Variants in SLC40A1 observed in about 807,000 individuals in gnomAD.
SLC40A1 encodes the protein solute carrier family 40 member 1.
A neutral mutation model predicts 53.5 loss-of-function variants in SLC40A1; 16 were observed. The observed-to-expected ratio is 0.30, with a 90% confidence interval of 0.20 to 0.45. The LOEUF is 0.45. SLC40A1 is among the 20% of genes least tolerant of loss of function. The pLI, the probability that SLC40A1 is intolerant of heterozygous loss-of-function variation, is 1.00. For missense variants in SLC40A1, 545 were observed against 695.4 expected, an observed-to-expected ratio of 0.78 and a Z score of 2.43; for synonymous variants, 247 against 253.2, an observed-to-expected ratio of 0.98 and a Z score of 0.23.
intron 2 of SLC40A1, chr2:189,578,078 A>G (rs2031346058): frequency 2.0e-6 from 1 of 508,796 alleles, no homozygotes; most frequent in Non-Finnish European, 2.5e-6. Flanking sequence ...ATAAGAAATC[A>G]TGACTTGGCA....
rs749715737 is a variant in SLC40A1 at position 189,565,637 on chromosome 2, A to G, written c.515-38T>C. The G allele has an allele frequency of 1.9e-6, 3 of 1,613,846 alleles. No individual in the cohort carries two copies. The South Asian group carries it at 3.3e-5, about 18-fold the overall frequency. On this transcript the variant is annotated intron_variant, in intron 5 of 7. Coordinates refer to ENST00000261024, the MANE Select transcript of SLC40A1 (RefSeq NM_014585.6). ...GTGAAAGAGGCAGGTAAGTGTGCAA[A>G]CCCATCAAAGAGAGACTGCCCATTT... is the stretch of plus-strand genomic sequence containing the variant.
intron 5 of SLC40A1, among the ~76,000 whole-genome samples, chr2:189,571,302 T>C (rs1053865386): frequency 2.0e-5 from 3 of 152,288 alleles, no homozygotes; most frequent in Non-Finnish European, 2.9e-5. Flanking sequence ...CCTACAATTG[T>C]TTCCATTTGA....
chr2:189,572,590 C>A, intron 4 of SLC40A1: 3 of 546,230 alleles, frequency 5.5e-6, no homozygotes, highest in South Asian at 4.3e-5. Flanking sequence ...AAACAAACAA[C>A]TGAATTCTAT....
chr2:189,566,284 T>C (rs1450075704), intron 5 of SLC40A1, among the ~76,000 whole-genome samples: 1 of 152,170 alleles, frequency 6.6e-6, no homozygotes, highest in Admixed American at 6.5e-5. Context: ...ATAAGGGCAA[T>C]GCCTGAATAA....
intron 2 of SLC40A1, among the ~76,000 whole-genome samples, chr2:189,577,997 T>G (rs963165593): frequency 6.6e-6 from 1 of 152,074 alleles, no homozygotes; most frequent in Admixed American, 6.6e-5. Context: ...AAGTCAGAAA[T>G]AAAAGGCATT....
intron 3 of SLC40A1, among the ~76,000 whole-genome samples, chr2:189,573,770 G>T (rs754592570): frequency 6.6e-6 from 1 of 152,122 alleles, no homozygotes; most frequent in Non-Finnish European, 1.5e-5. Context: ...TATATGTAAG[G>T]GATAATTACA....
chr2:189,564,132 G>A lies in SLC40A1; in HGVS notation c.854C>T (p.Ala285Val). Residue 285 changes from alanine (A) to valine (V), a missense_variant, in exon 7 of 8, where the codon GCC becomes GTC. Transcript: ENST00000261024. Reference protein sequence around the residue: ...ELEHEQEPTCASQMAEPFRTF... With the variant: ...ELEHEQEPTCVSQMAEPFRTF... ...ACGGAAGGGCTCAGCCATCTGGGAG[G>A]CACAAGTAGGCTCTTGCTCATGTTC... The A allele has an allele frequency of 6.2e-7, 1 of 1,611,616 alleles. No individual in the cohort carries two copies. The highest frequency in any genetic ancestry group is 2.2e-5 in the East Asian group (1 of 44,862).
Position 189,564,190 on chromosome 2 carries a change from T to C in SLC40A1, c.796A>G (p.Met266Val). ...EPKPLEGTHL[M>V]GVKDSNIHEL... is the part of the protein sequence containing the mutation. ...TGGATGTTAGAGTCTTTCACACCCA[T>C]TAGATGAGTTCCCTCCAGGGGTTTT... is the stretch of plus-strand genomic sequence containing the variant. Residue 266 changes from methionine (M) to valine (V), a missense_variant, in exon 7 of 8, where the codon ATG becomes GTG. Met to Val is a conservative substitution (Grantham distance 21, BLOSUM62 1). This residue lies in a region of SLC40A1 where 107 missense variants were observed against 91.0 expected (regional missense o/e 1.18). Transcript: ENST00000261024. 6.2e-7 allele frequency: 1 copy of C among 1,614,028 alleles called. No homozygotes were observed. The highest frequency in any genetic ancestry group is 8.5e-7 in the Non-Finnish European group (1 of 1,179,928).
intron 2 of SLC40A1, chr2:189,578,201 CAT>C (rs2031351622): frequency 1.0e-6 from 1 of 985,178 alleles, no homozygotes; most frequent in Admixed American, 6.1e-5. Context: ...AGAGAAAAAA[CAT>C]AAAAAGCATA....
At chr2:189,564,290 T>C (rs113046832) in intron 6 of SLC40A1, 65 bp from the exon 7 acceptor site, 12 of 1,442,468 alleles carry the variant, frequency 8.3e-6, no homozygotes, top group African/African-American at 7.0e-5. Context: ...CAATTATTAG[T>C]AGTACTTTTT....
chr2:189,562,516 A>G (rs2030777837), intron 7 of SLC40A1, among the ~76,000 whole-genome samples: 1 of 152,190 alleles, frequency 6.6e-6, no homozygotes, highest in African/African-American at 2.4e-5. Context: ...ATTATAGTAT[A>G]AGTACTAGTA....
intron 7 of SLC40A1, among the ~76,000 whole-genome samples, chr2:189,562,816 T>TG (rs1235318012): frequency 6.6e-6 from 1 of 152,158 alleles, no homozygotes; most frequent in Non-Finnish European, 1.5e-5. Context: ...TCCATTTGTG[T>TG]GGCAAACTAT....
chr2:189,574,376 T>A (rs1459089639), intron 3 of SLC40A1, among the ~76,000 whole-genome samples: 1 of 152,204 alleles, frequency 6.6e-6, no homozygotes, highest in Non-Finnish European at 1.5e-5. Flanking sequence ...CCTAGTAGCA[T>A]CAAGTCCTAG....
intron 2 of SLC40A1, chr2:189,578,424 T>A: frequency 1.0e-6 from 1 of 966,852 alleles, no homozygotes; most frequent in South Asian, 4.8e-5. Flanking sequence ...AATATCCTCC[T>A]GGAACAACCA....
chr2:189,565,600 C>T lies in SLC40A1; in HGVS notation c.515-1G>A. The T allele has an allele frequency of 6.2e-7, 1 of 1,614,178 alleles. No individual in the cohort carries two copies. Among genetic ancestry groups the T allele is most frequent in the Non-Finnish European group, 8.5e-7 (1 of 1,180,032 alleles). Reference sequence around the variant, plus strand: ...ATCCTTCGTATTGTGGCATTCATATCTAGAGAGGCAGGTGAAAGAGGCAGG... The same window carrying T: ...ATCCTTCGTATTGTGGCATTCATATTTAGAGAGGCAGGTGAAAGAGGCAGG... On this transcript the variant is annotated splice_acceptor_variant, in intron 5 of 7. Coordinates refer to ENST00000261024, the MANE Select transcript of SLC40A1 (RefSeq NM_014585.6). LOFTEE classifies it high-confidence loss of function.
intron 2 of SLC40A1, among the ~76,000 whole-genome samples, chr2:189,577,876 G>A (rs2031339693): frequency 1.4e-5 from 2 of 138,808 alleles, no homozygotes; most frequent in Admixed American, 1.5e-4. Flanking sequence ...CTCCCAAAGT[G>A]CTAGGATTAC....
chr2:189,562,952 G>GT (rs2030801791), intron 7 of SLC40A1, among the ~76,000 whole-genome samples: 1 of 151,612 alleles, frequency 6.6e-6, no homozygotes, highest in Non-Finnish European at 1.5e-5. Flanking sequence ...CTAAACTACA[G>GT]TTTTTTTGTT....
Position 189,572,966 on chromosome 2 carries a change from G to A in SLC40A1, c.272-5C>T, listed in dbSNP as rs1461480327. 1 of 1,590,512 alleles carries A rather than the reference G, an allele frequency of 6.3e-7. No homozygotes were observed. Reference sequence around the variant, plus strand: ...CCACCAGCGAGGTCTGGGCCACTGTGCAGAGGAAGAGAGAAAGTGTACATT... The same window carrying A: ...CCACCAGCGAGGTCTGGGCCACTGTACAGAGGAAGAGAGAAAGTGTACATT... On this transcript the variant is annotated splice_polypyrimidine_tract_variant and splice_region_variant and intron_variant, in intron 3 of 7. Transcript: ENST00000261024.
intron 5 of SLC40A1, among the ~76,000 whole-genome samples, chr2:189,566,440 C>A (rs553674745): frequency 6.6e-6 from 1 of 152,112 alleles, no homozygotes; most frequent in African/African-American, 2.4e-5. Context: ...ATAGACAAGT[C>A]TTTTGGATAT....
Sources: gnomAD v4.1 joint callset for allele counts (sites outside exome capture counted in the v4.1 genomes callset) on GRCh38, gnomAD v4.1.1 for gene constraint, gnomAD v4.1.1 regional missense constraint, MANE v1.5 for transcripts, NCBI Gene and HGNC (gene_info 2026-07-23, HGNC 2026-07-21) for gene names.